SETD7: variants seen among roughly 807,000 people sequenced by gnomAD.
SETD7 encodes the protein SET domain containing 7, histone lysine methyltransferase.
In SETD7, 16 loss-of-function variants were observed where a neutral mutation model predicts 41.8. The observed-to-expected ratio is 0.38, with a 90% CI of 0.26 to 0.58. The LOEUF (loss-of-function observed/expected upper bound fraction) is 0.58. SETD7 is among the 20% of genes least tolerant of loss of function. The pLI is 0.64. For synonymous variants in SETD7, 163 were observed against 169.7 expected (o/e 0.96, Z 0.31); for missense variants, 346 against 459.7 (o/e 0.75, Z 2.26).
intron 3 of SETD7, among the ~76,000 whole-genome samples, chr4:139,531,005 T>C (rs1183381248): frequency 6.6e-6 from 1 of 152,002 alleles, no homozygotes; most frequent in Non-Finnish European, 1.5e-5. Flanking sequence ...CTGCTTTCTC[T>C]CCTCTGCTCA....
chr4:139,532,431 C>T (rs1727509669), intron 3 of SETD7: 1 of 152,108 alleles, frequency 6.6e-6, no homozygotes, highest in African/African-American at 2.4e-5. Context: ...AGAACAAGAC[C>T]CTGTCTCAAT....
At chr4:139,497,405 A>C (rs1726476621) in intron 7 of SETD7, among the ~76,000 whole-genome samples, 1 of 151,342 alleles carries the variant, frequency 6.6e-6, no homozygotes, top group African/African-American at 2.4e-5. Context: ...CAGTGAGCCG[A>C]GATTGCGCCA....
intron 3 of SETD7, among the ~76,000 whole-genome samples, chr4:139,531,495 C>T (rs1170645326): frequency 1.3e-5 from 2 of 152,166 alleles, no homozygotes; most frequent in South Asian, 2.1e-4. Context: ...GGCCAGGTTT[C>T]GGTCCTCCTA....
Position 139,553,986 on chromosome 4 carries a change from C to T in SETD7, c.40+2112G>A, listed in dbSNP as rs1728186304. On this transcript the variant is annotated intron_variant, in intron 1 of 7. Transcript: ENST00000274031. Reference sequence around the variant, plus strand: ...ACAGGTACGGTTTACTGCATGTGCACACACACACTCCTGGCACTGTGCAAG... The same window carrying T: ...ACAGGTACGGTTTACTGCATGTGCATACACACACTCCTGGCACTGTGCAAG... Among the ~76,000 whole-genome samples, 3 of 152,168 alleles carry T rather than the reference C, an allele frequency of 2.0e-5. No homozygotes were observed. In the South Asian group the frequency reaches 6.2e-4, roughly 32 times the overall value.
At chr4:139,513,789 T>G (rs1239751931) in intron 7 of SETD7, among the ~76,000 whole-genome samples, 2 of 152,174 alleles carry the variant, frequency 1.3e-5, no homozygotes, top group Non-Finnish European at 2.9e-5. Context: ...CATGACAAAA[T>G]GGGGTCACAT....
chr4:139,509,511 A>G lies in SETD7; in HGVS notation c.*2152T>C, dbSNP rs1307233058. 1 of 167,340 alleles carries G rather than the reference A, an allele frequency of 6.0e-6. No individual in the cohort carries two copies. The highest frequency in any genetic ancestry group is 1.2e-5 in the Non-Finnish European group (1 of 81,894). The allele number at this position is 167,340 out of a possible 1,614,324, so 10.4% of individuals were successfully genotyped here. On this transcript the variant is annotated 3_prime_UTR_variant, in exon 8 of 8. Coordinates refer to ENST00000274031, the MANE Select transcript of SETD7 (RefSeq NM_030648.4). ...TGTACCCCACTGCAGCCAGGACCAG[A>G]ATGCTATCACTCTCAGGAATGAAAT...
chr4:139,550,269 C>T (rs1227688391), intron 1 of SETD7, among the ~76,000 whole-genome samples: 5 of 152,138 alleles, frequency 3.3e-5, no homozygotes, highest in Admixed American at 3.3e-4. Context: ...CAAATGATGG[C>T]CATTACTCTG....
downstream of SETD7, among the ~76,000 whole-genome samples, chr4:139,494,493 G>A (rs577779091): frequency 6.6e-6 from 1 of 152,152 alleles, no homozygotes; most frequent in African/African-American, 2.4e-5. Flanking sequence ...AAATATGGGA[G>A]GAAAAATAAA....
chr4:139,533,934 T>C (rs1177374123), intron 2 of SETD7, among the ~76,000 whole-genome samples: 1 of 152,158 alleles, frequency 6.6e-6, no homozygotes, highest in Non-Finnish European at 1.5e-5. Context: ...TTGGAAGACA[T>C]ATGGGGATTT....
intron 7 of SETD7, among the ~76,000 whole-genome samples, chr4:139,516,193 C>T (rs567855602): frequency 2.8e-4 from 43 of 152,148 alleles, no homozygotes; most frequent in Middle Eastern, 3.4e-3. Flanking sequence ...AGGCCGGGGG[C>T]GGTGGCTCAC....
At chr4:139,554,211 C>T (rs1728193251) in intron 1 of SETD7, among the ~76,000 whole-genome samples, 1 of 152,184 alleles carries the variant, frequency 6.6e-6, no homozygotes, top group Non-Finnish European at 1.5e-5. Flanking sequence ...TACATAATTA[C>T]CCTATAAAAC....
At position 139,497,121 on chromosome 4, in the gene SETD7, G is replaced by A. The variant is rs111304901; in HGVS notation, c.921-600C>T. ...TTTTGTTCAACTTTGTTTACTGTAGGCGCCAGAAGTGCTATTAGCCCTCTT... is the reference window on the plus strand; with the variant it reads ...TTTTGTTCAACTTTGTTTACTGTAGACGCCAGAAGTGCTATTAGCCCTCTT... On this transcript the variant is annotated intron_variant, in intron 7 of 7. Coordinates refer to the SETD7 transcript ENST00000506866. Among the ~76,000 whole-genome samples the A allele has an allele frequency of 1.0e-2, 1,517 of 152,236 alleles. 17 individuals are homozygous for A. Among genetic ancestry groups the A allele is most frequent in the Middle Eastern group, 0.02 (6 of 294 alleles).
intron 7 of SETD7, among the ~76,000 whole-genome samples, chr4:139,514,586 T>A (rs1165043999): frequency 6.6e-6 from 1 of 152,234 alleles, no homozygotes; most frequent in East Asian, 1.9e-4. Context: ...GGAGACCTGC[T>A]TTTCCTGTCT....
intron 3 of SETD7, among the ~76,000 whole-genome samples, chr4:139,531,242 A>G (rs149311417): frequency 6.6e-6 from 1 of 152,356 alleles, no homozygotes; most frequent in Non-Finnish European, 1.5e-5. Context: ...AAATGCAACC[A>G]TGTTGAGCGA....
chr4:139,500,747 G>A (rs745513189), intron 7 of SETD7, among the ~76,000 whole-genome samples: 1 of 152,212 alleles, frequency 6.6e-6, no homozygotes, highest in Non-Finnish European at 1.5e-5. Context: ...GACCTCAGAT[G>A]ATCTGCCCAC....
chr4:139,520,104 TA>T (rs200981058), intron 6 of SETD7, among the ~76,000 whole-genome samples, 172 bp downstream of exon 6: 3 of 152,038 alleles, frequency 2.0e-5, no homozygotes, highest in Admixed American at 6.6e-5. Flanking sequence ...CTGGAACTTT[TA>T]AAAAAAATCG....
intron 1 of SETD7, chr4:139,548,252 G>A (rs771261450): frequency 6.6e-6 from 1 of 152,226 alleles, no homozygotes; most frequent in Admixed American, 6.5e-5. Context: ...CACAGTGAAA[G>A]CTTTAGTCTC....
chr4:139,533,384 A>C lies in SETD7; in HGVS notation c.171-18T>G, dbSNP rs978946318. Reference sequence around the variant, plus strand: ...CCAGGGTGCTGTGAGGAAAGGAAAAACAAAAAGGAATAGTCAGACCATGAC... The same window carrying C: ...CCAGGGTGCTGTGAGGAAAGGAAAACCAAAAAGGAATAGTCAGACCATGAC... On this transcript the variant is annotated intron_variant, in intron 2 of 7. Coordinates refer to ENST00000274031, the MANE Select transcript of SETD7 (RefSeq NM_030648.4). The C allele has an allele frequency of 8.1e-6, 13 of 1,602,698 alleles. No homozygotes were observed. Among genetic ancestry groups the C allele is most frequent in the Non-Finnish European group, 1.1e-5 (13 of 1,172,166 alleles).
chr4:139,556,090 G>A lies in SETD7; in HGVS notation c.40+8C>T, dbSNP rs758674251. 7 of 1,600,678 alleles carry A rather than the reference G, an allele frequency of 4.4e-6. No individual in the cohort carries two copies. The South Asian group carries it at 6.8e-5, about 16-fold the overall frequency. The stretch of plus-strand genomic sequence containing the variant: ...CCTCCTCCCCCGGCCCCGGAGAAAT[G>A]CTTGTACCTTCCACCGCCTCCTCCA... On this transcript the variant is annotated splice_region_variant and intron_variant, in intron 1 of 7. Coordinates refer to ENST00000274031, the MANE Select transcript of SETD7 (RefSeq NM_030648.4).
Sources: gnomAD v4.1 joint callset for allele counts (sites outside exome capture counted in the v4.1 genomes callset) on GRCh38, gnomAD v4.1.1 for gene constraint, MANE v1.5 for transcripts, NCBI Gene and HGNC (gene_info 2026-07-23, HGNC 2026-07-21) for gene names.